BANK1: variants seen among roughly 807,000 people sequenced by gnomAD.
BANK1 encodes B cell scaffold protein with ankyrin repeats 1, also known as B-cell scaffold protein with ankyrin repeats.
Under a neutral mutation model 94.5 loss-of-function variants are expected in BANK1, and 95 were observed. That is an observed-to-expected ratio of 1.00 (90% CI 0.85 to 1.19). The LOEUF is 1.19. BANK1 is among the 50% of genes most tolerant of loss of function. The pLI is 0.00. For synonymous variants in BANK1, 334 were observed against 308.4 expected, an observed-to-expected ratio of 1.08 and a Z score of -0.87; for missense variants, 987 against 932.2, an observed-to-expected ratio of 1.06 and a Z score of -0.77.
chr4:101,978,700 AG>A (rs1292422286), intron 7 of BANK1, among the ~76,000 whole-genome samples: 4 of 152,072 alleles, frequency 2.6e-5, no homozygotes, highest in African/African-American at 4.8e-5. Flanking sequence ...TGAAAAAAAA[AG>A]AATTGTGGCT....
At chr4:101,919,245 T>G (rs146152157) in intron 7 of BANK1, among the ~76,000 whole-genome samples, 3 of 151,998 alleles carry the variant, frequency 2.0e-5, no homozygotes, top group Non-Finnish European at 4.4e-5. Flanking sequence ...ACAACTCTAG[T>G]CTTTAATTTT....
At chr4:101,802,177 A>G (rs1725376759) in intron 1 of BANK1, among the ~76,000 whole-genome samples, 1 of 152,228 alleles carries the variant, frequency 6.6e-6, no homozygotes, top group African/African-American at 2.4e-5. Flanking sequence ...AGTATCATTT[A>G]AAGGACCACG....
At position 102,030,250 on chromosome 4, in the gene BANK1, C is replaced by T; in HGVS notation, c.1885C>T (p.Pro629Ser). ...TATACCTCCAAAAGAGGAAACTACA[C>T]CTTACATAGCTCAAGGTAATTATCA... is the stretch of plus-strand genomic sequence containing the variant. ...TSIPPKEETT[P>S]YIAQVFQQKT... The change falls in exon 10 of 17, where the codon CCT becomes TCT. Residue 629 changes from proline to serine, a missense_variant. By Grantham distance (74) the Pro-to-Ser change is moderately conservative. Coordinates refer to ENST00000322953, the MANE Select transcript of BANK1 (RefSeq NM_017935.5). The T allele has an allele frequency of 6.3e-7, 1 of 1,578,964 alleles. No homozygotes were observed. Among genetic ancestry groups the T allele is most frequent in the Non-Finnish European group, 8.5e-7 (1 of 1,170,186 alleles).
intron 2 of BANK1, among the ~76,000 whole-genome samples, chr4:101,853,753 C>CA (rs1398142154): frequency 1.3e-5 from 2 of 152,136 alleles, no homozygotes; most frequent in African/African-American, 4.8e-5. Flanking sequence ...TCTCCTGGGG[C>CA]AAGGCATTTT....
intron 6 of BANK1, among the ~76,000 whole-genome samples, chr4:101,906,007 T>C (rs546669839): frequency 2.0e-5 from 3 of 152,214 alleles, no homozygotes; most frequent in Non-Finnish European, 4.4e-5. Context: ...TCATCCTGCA[T>C]GACCAATTGT....
chr4:102,057,908 A>G (rs1728284197), intron 11 of BANK1, among the ~76,000 whole-genome samples: 1 of 152,210 alleles, frequency 6.6e-6, no homozygotes, highest in Non-Finnish European at 1.5e-5. Context: ...TGGCATCACA[A>G]TAGAATAACA....
intron 7 of BANK1, among the ~76,000 whole-genome samples, chr4:102,019,263 CAG>C (rs1191898417): frequency 6.6e-6 from 1 of 151,984 alleles, no homozygotes; most frequent in African/African-American, 2.4e-5. Context: ...CAATAGTTAA[CAG>C]AGTATTTAGC....
At chr4:101,962,794 T>C (rs1339842026) in intron 7 of BANK1, among the ~76,000 whole-genome samples, 1 of 152,162 alleles carries the variant, frequency 6.6e-6, no homozygotes, top group Non-Finnish European at 1.5e-5. Flanking sequence ...GGTTGTATAG[T>C]GTTCTAGTAT....
At chr4:102,019,061 A>G (rs1002573644) in intron 7 of BANK1, among the ~76,000 whole-genome samples, 6 of 151,996 alleles carry the variant, frequency 3.9e-5, no homozygotes, top group African/African-American at 1.4e-4. Flanking sequence ...CAGGTAATCC[A>G]CCATGCCTGG....
At chr4:101,946,071 T>G (rs1005467206) in intron 7 of BANK1, among the ~76,000 whole-genome samples, 3 of 152,098 alleles carry the variant, frequency 2.0e-5, no homozygotes, top group Non-Finnish European at 2.9e-5. Flanking sequence ...ATAAGTAAAC[T>G]TAATTTTGGA....
intron 7 of BANK1, among the ~76,000 whole-genome samples, chr4:101,960,221 A>G (rs953627219): frequency 2.6e-5 from 4 of 152,166 alleles, no homozygotes; most frequent in African/African-American, 9.7e-5. Flanking sequence ...GGTGCACAGC[A>G]CTATATTCAC....
chr4:101,826,994 C>T (rs1040374038), intron 1 of BANK1, among the ~76,000 whole-genome samples: 11 of 151,962 alleles, frequency 7.2e-5, no homozygotes, highest in African/African-American at 2.4e-4. Context: ...AAAATACATG[C>T]TCTGTTTTCA....
At chr4:101,804,010 A>G (rs1725457824) in intron 1 of BANK1, among the ~76,000 whole-genome samples, 7 of 136,192 alleles carry the variant, frequency 5.1e-5, no homozygotes, top group Admixed American at 4.4e-4. Flanking sequence ...AAAAAAAAAA[A>G]AAAAAAAAAA....
intron 7 of BANK1, among the ~76,000 whole-genome samples, chr4:101,997,554 CT>C (rs1026233789): frequency 1.7e-4 from 25 of 150,830 alleles, no homozygotes; most frequent in East Asian, 9.8e-4. Context: ...TGGTACTAGG[CT>C]TTTTTTTTAT....
chr4:101,822,561 C>A (rs541172390), intron 1 of BANK1, among the ~76,000 whole-genome samples: 1 of 150,934 alleles, frequency 6.6e-6, no homozygotes, highest in South Asian at 2.1e-4. Context: ...GCATTCTCTT[C>A]TTAAAGAAAC....
intron 6 of BANK1, among the ~76,000 whole-genome samples, chr4:101,901,716 A>T (rs1722290395): frequency 6.6e-6 from 1 of 152,156 alleles, no homozygotes; most frequent in Non-Finnish European, 1.5e-5. Context: ...AAGGCTTGAA[A>T]GCTGAAGTAG....
At chr4:101,973,951 A>G (rs906749422) in intron 7 of BANK1, among the ~76,000 whole-genome samples, 1 of 152,070 alleles carries the variant, frequency 6.6e-6, no homozygotes, top group Non-Finnish European at 1.5e-5. Context: ...TATTCCAATT[A>G]TTATTAATCA....
chr4:102,048,479 T>C (rs1428001742), intron 11 of BANK1, among the ~76,000 whole-genome samples: 2 of 152,186 alleles, frequency 1.3e-5, no homozygotes, highest in African/African-American at 2.4e-5. Context: ...GCTTATTACC[T>C]AATTAATGAA....
intron 7 of BANK1, among the ~76,000 whole-genome samples, chr4:101,958,464 C>CTT (rs35066662): frequency 4.5e-5 from 5 of 110,730 alleles, no homozygotes; most frequent in Admixed American, 9.4e-5. Flanking sequence ...GCCCCCCATG[C>CTT]TTTTTTTTTT....
Sources: gnomAD v4.1 joint callset for allele counts (sites outside exome capture counted in the v4.1 genomes callset) on GRCh38, gnomAD v4.1.1 for gene constraint, MANE v1.5 for transcripts, NCBI Gene and HGNC (gene_info 2026-07-23, HGNC 2026-07-21) for gene names.